TESPA1: variants seen among roughly 807,000 people sequenced by gnomAD.
The protein encoded by TESPA1 is protein TESPA1.
Under a neutral mutation model 57.9 loss-of-function variants are expected in TESPA1, and 33 were observed. The observed-to-expected ratio is 0.57, with a 90% CI of 0.43 to 0.76. The LOEUF (loss-of-function observed/expected upper bound fraction) is 0.76, where lower values mean the gene tolerates loss of function less well. Among genes scored for constraint, TESPA1 ranks in the 30% least tolerant of loss-of-function variants. The pLI, the probability that TESPA1 is intolerant of heterozygous loss-of-function variation, is 0.00. For missense variants in TESPA1, 618 were observed against 632.9 expected, an observed-to-expected ratio of 0.98 and a Z score of 0.25; for synonymous variants, 227 against 228.9, an observed-to-expected ratio of 0.99 and a Z score of 0.07.
intron 10 of TESPA1, among the ~76,000 whole-genome samples, chr12:54,953,744 T>C (rs1210434773): frequency 2.6e-5 from 4 of 151,984 alleles, no homozygotes; most frequent in South Asian, 4.2e-4. Flanking sequence ...ATGCTCTCAA[T>C]CTCCTGACCT....
chr12:54,954,770 TC>T (rs2136038084), intron 10 of TESPA1, among the ~76,000 whole-genome samples: 1 of 152,348 alleles, frequency 6.6e-6, no homozygotes, highest in East Asian at 1.9e-4. Context: ...AGGCTTCCTT[TC>T]TTTTAAAGGC....
In TESPA1 at chr12:54,949,373, C is replaced by T. The variant is rs1950249156; in HGVS notation, c.*1019G>A. 1 of 90,262 alleles carries T rather than the reference C, an allele frequency of 1.1e-5. No individual in the cohort carries two copies. 5.6% of individuals were successfully genotyped at this position (90,262 alleles called of 1,614,324 possible). On this transcript the variant is annotated 3_prime_UTR_variant, in exon 11 of 11. Transcript: ENST00000449076. The stretch of plus-strand genomic sequence containing the variant: ...CCCTCAAATTCCCTCAAGTCCCTCT[C>T]TTCCTGTTTTTTTTTTTTTTTTCTT...
chr12:54,958,754 A>G (rs754776979), intron 10 of TESPA1, among the ~76,000 whole-genome samples: 16 of 152,106 alleles, frequency 1.1e-4, no homozygotes, highest in Non-Finnish European at 2.1e-4. Context: ...TTATAGCTAT[A>G]GTCTCAAGCT....
At chr12:54,953,024 A>C (rs1950494141) in intron 10 of TESPA1, among the ~76,000 whole-genome samples, 1 of 151,620 alleles carries the variant, frequency 6.6e-6, no homozygotes, top group Non-Finnish European at 1.5e-5. Context: ...CCTCCCCTCT[A>C]TTCCCACTGC....
At chr12:54,964,054 C>A in intron 7 of TESPA1, 104 bp from the exon 8 acceptor site, 1 of 1,184,490 alleles carries the variant, frequency 8.4e-7, no homozygotes, top group Non-Finnish European at 1.2e-6. Flanking sequence ...AAATTCTTTT[C>A]TGTCCATTTC....
At chr12:54,951,737 C>A (rs1296438406) in intron 10 of TESPA1, among the ~76,000 whole-genome samples, 6 of 152,012 alleles carry the variant, frequency 3.9e-5, no homozygotes, top group Middle Eastern at 3.4e-3. Flanking sequence ...CTACACCCTC[C>A]TTCTTGAGAG....
intron 1 of TESPA1, among the ~76,000 whole-genome samples, chr12:54,981,567 T>A (rs1256754969): frequency 7.0e-6 from 1 of 142,396 alleles, no homozygotes; most frequent in Non-Finnish European, 1.5e-5. Context: ...ACTTAAAGTA[T>A]AATATATTAA....
At chr12:54,962,373 T>C (rs1267463453) in intron 9 of TESPA1, 58 bp downstream of exon 9, 7 of 1,559,022 alleles carry the variant, frequency 4.5e-6, no homozygotes, top group Non-Finnish European at 6.1e-6. Flanking sequence ...CTTCATCTTC[T>C]GGGAAAGAAT....
chr12:54,954,790 A>G (rs1255815860), intron 10 of TESPA1, among the ~76,000 whole-genome samples: 1 of 152,330 alleles, frequency 6.6e-6, no homozygotes, highest in East Asian at 1.9e-4. Context: ...GCTGAATAAT[A>G]TTTCACTGTA....
intron 10 of TESPA1, among the ~76,000 whole-genome samples, chr12:54,957,127 A>G (rs1174263065): frequency 6.6e-6 from 1 of 152,112 alleles, no homozygotes. Context: ...AAAAAAATGG[A>G]GCTCGCTCTT....
At chr12:54,957,241 G>T (rs1950789036) in intron 10 of TESPA1, among the ~76,000 whole-genome samples, 1 of 152,168 alleles carries the variant, frequency 6.6e-6, no homozygotes, top group Non-Finnish European at 1.5e-5. Context: ...TGCATGGGCT[G>T]CACAACGCTA....
intron 10 of TESPA1, among the ~76,000 whole-genome samples, chr12:54,958,049 C>T (rs1027613357): frequency 3.3e-5 from 5 of 152,142 alleles, no homozygotes; most frequent in African/African-American, 1.2e-4. Flanking sequence ...TGTATGACTC[C>T]TAGCAATACT....
chr12:54,958,834 C>A (rs182216702), intron 10 of TESPA1, among the ~76,000 whole-genome samples: 2 of 152,266 alleles, frequency 1.3e-5, no homozygotes, highest in Admixed American at 1.3e-4. Flanking sequence ...ATTTCTGTGA[C>A]ACCATTTTTT....
At chr12:54,984,057 C>T (rs1032501210) in intron 1 of TESPA1, 3 of 152,320 alleles carry the variant, frequency 2.0e-5, no homozygotes, top group African/African-American at 7.2e-5. Context: ...CAGTTTATCT[C>T]AACAAGTTTC....
At chr12:54,969,371 G>A (rs1332502893) in intron 3 of TESPA1, among the ~76,000 whole-genome samples, 1 of 151,898 alleles carries the variant, frequency 6.6e-6, no homozygotes, top group Non-Finnish European at 1.5e-5. Context: ...ATATAGTCAA[G>A]TACTAGAATA....
At chr12:54,976,954 A>C (rs1162740750) in intron 1 of TESPA1, among the ~76,000 whole-genome samples, 1 of 151,382 alleles carries the variant, frequency 6.6e-6, no homozygotes, top group African/African-American at 2.4e-5. Context: ...CATCTTCCTC[A>C]GTCTTTGCCA....
chr12:54,962,992 T>G lies in TESPA1; in HGVS notation c.906A>C (p.Pro302=), dbSNP rs1378980810. 1.2e-6 allele frequency: 2 copies of G among 1,613,096 alleles called. No individual in the cohort carries two copies. Among genetic ancestry groups the G allele is most frequent in the South Asian group, 2.2e-5 (2 of 90,972 alleles). ...TGTTCCTTTTGGGGGTGTTGTGGGG[T>G]GGTGGTGGCCGGTCTCGGGGGCATG... ...LYTCPRDRPP[P]PHNTPKRNSL... is the part of the protein sequence containing the mutation. The change falls in exon 9 of 11, where the codon CCA becomes CCC. Residue 302 remains proline, a synonymous_variant. Transcript: ENST00000449076.
chr12:54,973,595 A>T (rs1016123703), intron 2 of TESPA1, 76 bp from the exon 3 acceptor site: 1 of 1,611,196 alleles, frequency 6.2e-7, no homozygotes, highest in African/African-American at 1.3e-5. Flanking sequence ...ATTCCATTCC[A>T]CAAGTTTATT....
At chr12:54,967,407 A>G (rs1272338305) in intron 4 of TESPA1, among the ~76,000 whole-genome samples, 171 bp from the exon 5 acceptor site, 1 of 150,740 alleles carries the variant, frequency 6.6e-6, no homozygotes, top group Non-Finnish European at 1.5e-5. Flanking sequence ...CTGTACATAT[A>G]TCACCTCAGA....
Sources: gnomAD v4.1 joint callset for allele counts (sites outside exome capture counted in the v4.1 genomes callset) on GRCh38, gnomAD v4.1.1 for gene constraint, MANE v1.5 for transcripts, NCBI Gene and HGNC (gene_info 2026-07-23, HGNC 2026-07-21) for gene names.